Variants in DLG5 observed in about 807,000 individuals in gnomAD.
The protein encoded by DLG5 is discs large MAGUK scaffold protein 5, also known as disks large homolog 5.
A neutral mutation model predicts 189.8 loss-of-function variants in DLG5; 48 were observed. The observed-to-expected ratio is 0.25, with a 90% confidence interval of 0.20 to 0.32. DLG5 has a LOEUF of 0.32. Ranked by LOEUF, DLG5 falls within the 10% of genes least tolerant of loss-of-function variation. The pLI is 1.00. For synonymous variants in DLG5, 1,016 were observed against 1,054.1 expected (o/e 0.96, Z 0.70); for missense variants, 2,160 against 2,544.7 (o/e 0.85, Z 3.25).
chr10:77,935,735 T>G, the DLG5 span, among the ~76,000 whole-genome samples: 1 of 152,180 alleles, frequency 6.6e-6, no homozygotes, highest in Non-Finnish European at 1.5e-5. Flanking sequence ...AGGAACCATT[T>G]CCAGGTGCCT....
At chr10:77,861,877 T>A (rs1844485137) in intron 2 of DLG5, among the ~76,000 whole-genome samples, 1 of 152,080 alleles carries the variant, frequency 6.6e-6, no homozygotes, top group Non-Finnish European at 1.5e-5. Context: ...ATACAGAAAG[T>A]AAGGTCAACC....
intron 2 of DLG5, among the ~76,000 whole-genome samples, chr10:77,866,204 G>C (rs1844676162): frequency 6.6e-6 from 1 of 152,160 alleles, no homozygotes; most frequent in African/African-American, 2.4e-5. Flanking sequence ...GCCCCACCAG[G>C]CACTCCACCC....
At chr10:77,888,394 A>T (rs1292422933) in intron 1 of DLG5, among the ~76,000 whole-genome samples, 3 of 152,182 alleles carry the variant, frequency 2.0e-5, no homozygotes, top group Admixed American at 2.0e-4. Context: ...CCCTCGGGTG[A>T]CCTACAAGGT....
chr10:77,817,795 G>A lies in DLG5; in HGVS notation c.3766C>T (p.Pro1256Ser). 1 of 1,554,682 alleles carries A rather than the reference G, an allele frequency of 6.4e-7. No individual in the cohort carries two copies. The highest frequency in any genetic ancestry group is 8.7e-7 in the Non-Finnish European group (1 of 1,148,482). Residue 1256 changes from proline (P) to serine (S), a missense_variant, in exon 18 of 32, where the codon CCC (proline) becomes TCC (serine). Pro to Ser is a moderately conservative substitution (Grantham distance 74, BLOSUM62 -1). This residue lies in a region of DLG5 where 754 missense variants were observed against 746.5 expected (regional missense o/e 1.01). Transcript: ENST00000372391. ...CAGTTACCCAGGCGGGCGCTGGAGGGCAGTGAGTTGGACCCATGGGTGGCT... is the reference window on the plus strand; with the variant it reads ...CAGTTACCCAGGCGGGCGCTGGAGGACAGTGAGTTGGACCCATGGGTGGCT... ...MRATHGSNSL[P>S]SSARLGSSSN...
chr10:77,916,705 C>T (rs1846367653), intron 1 of DLG5, among the ~76,000 whole-genome samples: 1 of 151,834 alleles, frequency 6.6e-6, no homozygotes, highest in Admixed American at 6.6e-5. Flanking sequence ...AGTATGGTAC[C>T]TTCTCAAAAA....
intron 1 of DLG5, among the ~76,000 whole-genome samples, chr10:77,875,462 C>T (rs186132497): frequency 6.6e-6 from 1 of 152,270 alleles, no homozygotes; most frequent in African/African-American, 2.4e-5. Context: ...CGAGACAACA[C>T]TCAATAGGCA....
intron 7 of DLG5, among the ~76,000 whole-genome samples, chr10:77,836,143 A>T (rs1437799293): frequency 1.3e-5 from 2 of 152,032 alleles, no homozygotes; most frequent in Non-Finnish European, 2.9e-5. Flanking sequence ...TGATCCTATA[A>T]TCTGGCATAC....
chr10:77,816,625 C>A lies in DLG5; in HGVS notation c.3951G>T (p.Gln1317His). 6.2e-7 allele frequency: 1 copy of A among 1,614,138 alleles called. No homozygotes were observed. Among genetic ancestry groups the A allele is most frequent in the Non-Finnish European group, 8.5e-7 (1 of 1,179,990 alleles). ...LNIDTLSSCSQSQTSASTLPR... is the reference protein window; with the variant it reads ...LNIDTLSSCSHSQTSASTLPR... ...GCAATGTGGAGGCTGAGGTCTGGGA[C>A]TGGCTACAAGAGGACAGGGTGTCGA... The change falls in exon 20 of 32, where the codon CAG becomes CAT. Residue 1317 changes from glutamine (Q) to histidine (H), a missense_variant. Gln to His is a conservative substitution (Grantham distance 24, BLOSUM62 0). Around this residue, in one of 5 missense-constraint regions of DLG5, gnomAD observed 754 missense variants for 746.5 expected, o/e 1.01. Transcript: ENST00000372391.
intron 13 of DLG5, 141 bp downstream of exon 13, chr10:77,828,741 A>C: frequency 1.4e-6 from 1 of 732,486 alleles, no homozygotes; most frequent in Non-Finnish European, 2.3e-6. Flanking sequence ...CCATCAAGAA[A>C]CCTATTTTTA....
At chr10:77,934,238 GTGCATGC>G in the DLG5 span, among the ~76,000 whole-genome samples, 1 of 151,110 alleles carries the variant, frequency 6.6e-6, no homozygotes, top group Non-Finnish European at 1.5e-5. Context: ...GAGTATGGTG[GTGCATGC>G]ATGTAATCCC....
chr10:77,840,025 T>C (rs1319910155), intron 7 of DLG5, among the ~76,000 whole-genome samples: 1 of 152,262 alleles, frequency 6.6e-6, no homozygotes, highest in Non-Finnish European at 1.5e-5. Flanking sequence ...GGCACAATGA[T>C]GTATTTTCTA....
At chr10:77,794,984 C>T (rs778551891) in intron 29 of DLG5, 26 bp from the exon 30 acceptor site, 17 of 1,601,910 alleles carry the variant, frequency 1.1e-5, no homozygotes, top group Non-Finnish European at 1.4e-5. Context: ...CAGAGTGAGC[C>T]CTGGCGGGCA....
intron 1 of DLG5, among the ~76,000 whole-genome samples, chr10:77,886,333 C>A (rs1011941860): frequency 1.2e-4 from 19 of 152,002 alleles, no homozygotes; most frequent in African/African-American, 4.6e-4. Flanking sequence ...AAATGCTTGC[C>A]CCCTTAGGGT....
the DLG5 span, among the ~76,000 whole-genome samples, chr10:77,934,842 C>CT: frequency 5.5e-5 from 8 of 145,098 alleles, no homozygotes; most frequent in South Asian, 6.5e-4. Flanking sequence ...GGGTGCTGTT[C>CT]TTTTTTTTTG....
At chr10:77,823,044 A>AACCT in intron 14 of DLG5, among the ~76,000 whole-genome samples, 1 of 152,360 alleles carries the variant, frequency 6.6e-6, no homozygotes, top group African/African-American at 2.4e-5. Context: ...CTGAACCTTA[A>AACCT]TGTAAACTAT....
chr10:77,905,104 G>T (rs1487277861), intron 1 of DLG5, among the ~76,000 whole-genome samples: 1 of 149,674 alleles, frequency 6.7e-6, no homozygotes, highest in Non-Finnish European at 1.5e-5. Flanking sequence ...ACTCTAGCCT[G>T]GGCGACAAGA....
chr10:77,812,769 C>A (rs2154575331), intron 20 of DLG5, among the ~76,000 whole-genome samples: 1 of 152,360 alleles, frequency 6.6e-6, no homozygotes, highest in South Asian at 2.1e-4. Flanking sequence ...GGATGACATT[C>A]CATCCTAAGG....
intron 17 of DLG5, 146 bp from the exon 18 acceptor site, chr10:77,818,035 G>A: frequency 1.5e-6 from 1 of 663,116 alleles, no homozygotes; most frequent in Non-Finnish European, 2.6e-6. Flanking sequence ...AGGATAGCAG[G>A]CTGCCCTCAG....
At chr10:77,847,742 A>G (rs1250714483) in intron 5 of DLG5, among the ~76,000 whole-genome samples, 5 of 152,120 alleles carry the variant, frequency 3.3e-5, no homozygotes, top group Non-Finnish European at 7.4e-5. Context: ...GAATATTTAA[A>G]TTTGGCCCAG....
Sources: allele counts gnomAD v4.1 joint callset (sites outside exome capture counted in the v4.1 genomes callset), GRCh38; gene constraint gnomAD v4.1.1; regional missense constraint gnomAD v4.1.1; transcripts MANE v1.5; gene names NCBI Gene and HGNC (gene_info 2026-07-23, HGNC 2026-07-21).